PLD4: variants seen among roughly 807,000 people sequenced by gnomAD.
PLD4 encodes the protein 5'-3' exonuclease PLD4.
Under a neutral mutation model 52.3 loss-of-function variants are expected in PLD4, and 54 were observed. That is an observed-to-expected ratio of 1.03 (90% CI 0.83 to 1.30). The LOEUF (loss-of-function observed/expected upper bound fraction) is 1.30, where lower values mean the gene tolerates loss of function less well. PLD4 is among the 50% of genes most tolerant of loss of function. The probability of loss-of-function intolerance (pLI) is 0.00; values close to 1 mark genes in which losing one functional copy is unlikely to be tolerated. For missense variants in PLD4, 731 were observed against 671.1 expected (o/e 1.09, Z -0.99); for synonymous variants, 264 against 286.5 (o/e 0.92, Z 0.79).
At chr14:104,925,071 C>T in intron 1 of PLD4, 81 bp downstream of exon 1, 1 of 152,716 alleles carries the variant, frequency 6.5e-6, no homozygotes, top group East Asian at 1.9e-4. Context: ...ATGGCCTCAG[C>T]CTCCCAGCAA....
rs533035959 is a variant in PLD4, at chr14:104,929,469, G to A, written c.589+42G>A. ...TGCTGGGCACCACTGCCCTAGCGTCGGGCATGGGCTGTCTGGCTGGCACCA... is the reference window on the plus strand; with the variant it reads ...TGCTGGGCACCACTGCCCTAGCGTCAGGCATGGGCTGTCTGGCTGGCACCA... On this transcript the variant is annotated intron_variant, in intron 5 of 10. Coordinates refer to ENST00000392593, the MANE Select transcript of PLD4 (RefSeq NM_138790.5). 15 of 1,501,418 alleles carry A rather than the reference G, an allele frequency of 1.0e-5. No homozygotes were observed. In the African/African-American group the frequency reaches 1.1e-4, roughly 11 times the overall value. The allele number at this position is 1,501,418 out of a possible 1,614,324, so 93.0% of individuals were successfully genotyped here.
At chr14:104,926,098 G>A (rs1295116256) in intron 1 of PLD4, among the ~76,000 whole-genome samples, 3 of 151,940 alleles carry the variant, frequency 2.0e-5, no homozygotes, top group Non-Finnish European at 4.4e-5. Context: ...GCTCCTGGGT[G>A]GACAGCCGAC....
rs1814024838 is a variant in PLD4 at position 104,932,646 on chromosome 14, G to A, written c.1322-119G>A. ...GGGGCTTCCCCGGCTGGAGTCTGAT[G>A]ACAGTGGAGGGGCCAGCTGCCAACC... On this transcript the variant is annotated intron_variant, in intron 10 of 10. Transcript: ENST00000392593. The surrounding 1 kb of genome is among the most constrained non-coding windows in gnomAD (Gnocchi z 6.5). 2 of 1,086,572 alleles carry A rather than the reference G, an allele frequency of 1.8e-6. No homozygotes were observed. Among genetic ancestry groups the A allele is most frequent in the South Asian group, 1.7e-5 (1 of 59,880 alleles). The allele number at this position is 1,086,572 out of a possible 1,614,324, so 67.3% of individuals were successfully genotyped here.
chr14:104,929,432 G>C lies in PLD4; in HGVS notation c.589+5G>C, dbSNP rs762910320. On this transcript the variant is annotated splice_donor_5th_base_variant and intron_variant, in intron 5 of 10. Coordinates refer to ENST00000392593, the MANE Select transcript of PLD4 (RefSeq NM_138790.5). ...TGCAGGTTCTGGCTGCCCGAGGTGG[G>C]TACCTGCACCATGCTGGGCACCACT... The C allele has an allele frequency of 1.4e-5, 21 of 1,551,758 alleles. No individual in the cohort carries two copies. Among genetic ancestry groups the C allele is most frequent in the Non-Finnish European group, 8.7e-7 (1 of 1,147,612 alleles).
chr14:104,937,157 G>C (rs150436321), downstream of PLD4: 1 of 152,232 alleles, frequency 6.6e-6, no homozygotes, highest in Admixed American at 6.5e-5. Flanking sequence ...CTCATTGACT[G>C]TTCTCTAGAG....
chr14:104,927,551 G>T (rs889505156), intron 2 of PLD4, 122 bp from the exon 3 acceptor site: 2 of 1,146,782 alleles, frequency 1.7e-6, no homozygotes, highest in Non-Finnish European at 2.4e-6. Context: ...TCCCACCCCA[G>T]TGGCAGCCCA....
rs1283559755 is a variant in PLD4 at position 104,928,783 on chromosome 14, C to A, written c.319C>A (p.Pro107Thr). ...TGTGGAAAGCATCCCCCAGGACCTG[C>A]CATCTGCAGCCGGCAGCCCCTCTGC... ...VLVESIPQDL[P>T]SAAGSPSAQP... The change falls in exon 4 of 11, where the codon CCA becomes ACA. Residue 107 changes from proline to threonine, a missense_variant. Pro to Thr is a conservative substitution (Grantham distance 38). Transcript: ENST00000392593. 6.2e-7 allele frequency: 1 copy of A among 1,604,312 alleles called. No individual in the cohort carries two copies. Among genetic ancestry groups the A allele is most frequent in the Non-Finnish European group, 8.5e-7 (1 of 1,173,990 alleles).
rs372080863 is a variant in PLD4 at position 104,932,606 on chromosome 14, C to G, written c.1322-159C>G. Among the ~76,000 whole-genome samples, 186 of 152,368 alleles carry G rather than the reference C, an allele frequency of 1.2e-3. 1 individual carries two copies. Among genetic ancestry groups the G allele is most frequent in the African/African-American group, 4.3e-3 (178 of 41,596 alleles). ...AGTTCTACCGCGACCAGCTGTCCCT[C>G]CCGCACCTAAGCGAGGGGCTTCCCC... On this transcript the variant is annotated intron_variant, in intron 10 of 10. Coordinates refer to ENST00000392593, the MANE Select transcript of PLD4 (RefSeq NM_138790.5). This position sits in a 1 kb window ranked among gnomAD's most constrained non-coding sequence, Gnocchi z 6.5.
intron 3 of PLD4, 65 bp downstream of exon 3, chr14:104,927,931 C>A (rs938983171): frequency 2.1e-6 from 3 of 1,442,364 alleles, no homozygotes; most frequent in Admixed American, 2.4e-5. Flanking sequence ...TGTGTTTCTG[C>A]CCTTGGATCT....
In PLD4 at chr14:104,930,828, G is replaced by T. The variant is rs1897619164; in HGVS notation, c.804G>T (p.Gly268=). 1 of 1,613,520 alleles carries T rather than the reference G, an allele frequency of 6.2e-7. No homozygotes were observed. The highest frequency in any genetic ancestry group is 8.5e-7 in the Non-Finnish European group (1 of 1,179,994). ...EKTFQTYWVL[G]VPKAVLPKTW... ...CCTTCCAGACCTACTGGGTACTGGG[G>T]GTGCCCAAGGCTGTCCTCCCCAAAA... The change falls in exon 7 of 11, where the codon GGG becomes GGT. Residue 268 remains glycine (G), a synonymous_variant. Transcript: ENST00000392593.
Position 104,932,893 on chromosome 14 carries a change from G to C in PLD4, c.1450G>C (p.Asp484His), listed in dbSNP as rs1416887892. The C allele has an allele frequency of 6.2e-7, 1 of 1,603,696 alleles. No homozygotes were observed. Among genetic ancestry groups the C allele is most frequent in the Non-Finnish European group, 8.5e-7 (1 of 1,176,142 alleles). Residue 484 changes from aspartate (D) to histidine (H), a missense_variant, in exon 11 of 11, where the codon GAC (aspartate) becomes CAC (histidine). Transcript: ENST00000392593. This position sits in a 1 kb window ranked among gnomAD's most constrained non-coding sequence, Gnocchi z 6.5. ...GCAGCTGCGGCAGCTCTTTGAGCGG[G>C]ACTGGAGTTCGCGCTACGCCGTCGG... is the stretch of plus-strand genomic sequence containing the variant. Reference protein sequence around the residue: ...QEQLRQLFERDWSSRYAVGLD... With the variant: ...QEQLRQLFERHWSSRYAVGLD...
At position 104,932,654 on chromosome 14, in the gene PLD4, A is replaced by G; in HGVS notation, c.1322-111A>G. On this transcript the variant is annotated intron_variant, in intron 10 of 10. Transcript: ENST00000392593. The surrounding 1 kb of genome is among the most constrained non-coding windows in gnomAD (Gnocchi z 6.5). ...CCCGGCTGGAGTCTGATGACAGTGG[A>G]GGGGCCAGCTGCCAACCGTCCCCAA... 8.8e-7 allele frequency: 1 copy of G among 1,137,408 alleles called. No homozygotes were observed. The highest frequency in any genetic ancestry group is 1.6e-5 in the South Asian group (1 of 61,084). 70.5% of individuals were successfully genotyped at this position (1,137,408 alleles called of 1,614,324 possible). A position where few individuals can be genotyped will look rare whatever the true frequency, so the allele number is the denominator to read the frequency against.
chr14:104,936,900 G>A (rs1897823394), downstream of PLD4: 2 of 152,284 alleles, frequency 1.3e-5, no homozygotes, highest in Non-Finnish European at 2.9e-5. Context: ...GAGCGCCTCT[G>A]TGGTGAAGGA....
rs775715860 is a variant in PLD4, at chr14:104,931,843, C to A, written c.1014C>A (p.Ser338=). The change falls in exon 8 of 11, where the codon TCC becomes TCA. Residue 338 remains serine, a synonymous_variant. Coordinates refer to ENST00000392593, the MANE Select transcript of PLD4 (RefSeq NM_138790.5). ...GCGCCCAGGAGTTCATCTATGCCTC[C>A]GTGATGGAGTATTTCCCCACCACGC... The part of the protein sequence containing the change: ...MGSAQEFIYA[S]VMEYFPTTRF... The A allele has an allele frequency of 6.4e-7, 1 of 1,560,654 alleles. No homozygotes were observed. The highest frequency in any genetic ancestry group is 2.3e-5 in the East Asian group (1 of 43,416).
intron 5 of PLD4, 44 bp from the exon 6 acceptor site, chr14:104,929,934 C>T (rs756040766): frequency 2.9e-5 from 46 of 1,608,298 alleles, no homozygotes; most frequent in Non-Finnish European, 3.7e-5. Context: ...GAAGCTAGCA[C>T]TTAGCAAGAC....
At chr14:104,929,120 G>A in intron 4 of PLD4, 187 bp from the exon 5 acceptor site, 1 of 1,198,806 alleles carries the variant, frequency 8.3e-7, no homozygotes, top group Non-Finnish European at 1.1e-6. Flanking sequence ...CTGGGCCTCT[G>A]GGTGACTAAA....
Position 104,932,690 on chromosome 14 carries a change from G to C in PLD4, c.1322-75G>C. 2.2e-6 allele frequency: 3 copies of C among 1,390,898 alleles called. No homozygotes were observed. The highest frequency in any genetic ancestry group is 2.9e-6 in the Non-Finnish European group (3 of 1,044,162). 86.2% of individuals were successfully genotyped at this position (1,390,898 alleles called of 1,614,324 possible). A position where few individuals can be genotyped will look rare whatever the true frequency, so the allele number is the denominator to read the frequency against. ...GCCAACCGTCCCCAAACCCGTAGCCGGGCCTGGCGCTGAGCGGGCTGCAGA... is the reference window on the plus strand; with the variant it reads ...GCCAACCGTCCCCAAACCCGTAGCCCGGCCTGGCGCTGAGCGGGCTGCAGA... On this transcript the variant is annotated intron_variant, in intron 10 of 10. Transcript: ENST00000392593. The surrounding 1 kb of genome is among the most constrained non-coding windows in gnomAD (Gnocchi z 6.5).
At chr14:104,931,618 C>T in intron 7 of PLD4, 130 bp from the exon 8 acceptor site, 1 of 1,293,502 alleles carries the variant, frequency 7.7e-7, no homozygotes, top group Non-Finnish European at 1.0e-6. Flanking sequence ...CCCTTCTTTC[C>T]TCATATTTCC....
At chr14:104,928,612 G>T in intron 3 of PLD4, 137 bp from the exon 4 acceptor site, 1 of 846,176 alleles carries the variant, frequency 1.2e-6, no homozygotes, top group Non-Finnish European at 1.8e-6. Flanking sequence ...CCCTTACCCT[G>T]CACACTTGGC....
Sources: gnomAD v4.1 joint callset for allele counts (sites outside exome capture counted in the v4.1 genomes callset) on GRCh38, gnomAD v4.1.1 for gene constraint, Gnocchi (gnomAD v3.1) non-coding constraint, MANE v1.5 for transcripts, NCBI Gene and HGNC (gene_info 2026-07-23, HGNC 2026-07-21) for gene names.